Variants in FHAD1 observed in about 807,000 individuals in gnomAD.
The protein encoded by FHAD1 is forkhead-associated domain-containing protein 1.
In FHAD1, 146 loss-of-function variants were observed where a neutral mutation model predicts 191.3. The ratio of observed to expected loss-of-function variants is 0.76; its 90% confidence interval spans 0.67 to 0.88. The LOEUF is 0.88. FHAD1 is among the 40% of genes least tolerant of loss of function. The pLI is 0.00. For missense variants in FHAD1, 1,635 were observed against 1,785.8 expected (o/e 0.92, Z 1.52); for synonymous variants, 616 against 672.3 (o/e 0.92, Z 1.29).
At chr1:15,388,383 T>TAAGA (rs1702869548) in intron 32 of FHAD1, 1 of 1,245,424 alleles carries the variant, frequency 8.0e-7, no homozygotes, top group South Asian at 1.3e-5. Context: ...ACGGATGACC[T>TAAGA]AAGAGACAAG....
chr1:15,320,092 T>C (rs866629976), intron 10 of FHAD1, among the ~76,000 whole-genome samples: 1 of 152,352 alleles, frequency 6.6e-6, no homozygotes, highest in Non-Finnish European at 1.5e-5. Context: ...AATCCCTTTG[T>C]GATTTCTTCT....
At chr1:15,322,693 C>A (rs1676708565) in intron 10 of FHAD1, among the ~76,000 whole-genome samples, 1 of 152,250 alleles carries the variant, frequency 6.6e-6, no homozygotes, top group Non-Finnish European at 1.5e-5. Context: ...TTCATCATTG[C>A]AGAAAGTTCT....
chr1:15,381,425 A>T lies in FHAD1; in HGVS notation c.3996A>T (p.Gly1332=). The change falls in exon 30 of 34, where the codon GGA becomes GGT. Residue 1332 remains glycine (G), a synonymous_variant. Coordinates refer to ENST00000688493, the MANE Select transcript of FHAD1 (RefSeq NM_001391957.1). This position sits in a 1 kb window ranked among gnomAD's most constrained non-coding sequence, Gnocchi z 4.6. ...QLGRKEELLR[G]YEKDVEQLRR... is the part of the protein sequence containing the mutation. ...GGAGGAAAGAGGAGCTGTTGAGAGG[A>T]TATGAAAAGGACGTTGAACAGCTCA... 1 of 1,551,570 alleles carries T rather than the reference A, an allele frequency of 6.4e-7. No homozygotes were observed. Among genetic ancestry groups the T allele is most frequent in the Non-Finnish European group, 8.7e-7 (1 of 1,146,990 alleles).
In FHAD1 at chr1:15,360,563, A is replaced by G. The variant is rs4661330; in HGVS notation, c.2822A>G (p.Glu941Gly). 436,760 of 1,551,790 alleles carry G rather than the reference A, an allele frequency of 0.28. 62,694 individuals carry two copies. Among genetic ancestry groups the G allele is most frequent in the Non-Finnish European group, 0.3 (339,751 of 1,146,906 alleles). The change falls in exon 22 of 34, where the codon GAA (glutamate) becomes GGA (glycine). Residue 941 changes from glutamate to glycine, a missense_variant. By Grantham distance (98) the Glu-to-Gly change is moderately conservative (BLOSUM62 -2). Transcript: ENST00000688493. Reference protein sequence around the residue: ...DEQESQRHGFEEEIMEYKEQI... With the variant: ...DEQESQRHGFGEEIMEYKEQI... ...CAGGAATCACAGAGACACGGGTTTG[A>G]AGAAGAGATCATGGAATATAAGGAG...
At chr1:15,314,089 AATAATAATAAT>A (rs555715109) in intron 8 of FHAD1, among the ~76,000 whole-genome samples, 73 of 76,498 alleles carry the variant, frequency 9.5e-4, no homozygotes, top group African/African-American at 2.3e-3. Flanking sequence ...TAATAATAAT[AATAATAATAAT>A]AACTATTTGC....
In FHAD1 at chr1:15,374,612, C is replaced by T. The variant is rs896722215; in HGVS notation, c.3558C>T (p.Leu1186=). 46 of 1,551,380 alleles carry T rather than the reference C, an allele frequency of 3.0e-5. No homozygotes were observed. Among genetic ancestry groups the T allele is most frequent in the Non-Finnish European group, 3.7e-5 (43 of 1,146,984 alleles). Residue 1186 remains leucine, a synonymous_variant, in exon 27 of 34, where the codon CTC becomes CTT. Transcript: ENST00000688493. ...LSELRARIKE[L]EKARSPDHKD... is the part of the protein sequence containing the mutation. ...AACTTCGAGCGCGAATTAAAGAACTCGAGAAGGCGCGCTCACCAGGTAAGT... is the reference window on the plus strand; with the variant it reads ...AACTTCGAGCGCGAATTAAAGAACTTGAGAAGGCGCGCTCACCAGGTAAGT...
intron 25 of FHAD1, among the ~76,000 whole-genome samples, chr1:15,368,192 T>C (rs1558248930): frequency 6.6e-6 from 1 of 152,066 alleles, no homozygotes; most frequent in Non-Finnish European, 1.5e-5. Context: ...CAGGCTGGTC[T>C]CGAACTCCTG....
chr1:15,342,582 A>G (rs754128043), intron 16 of FHAD1, among the ~76,000 whole-genome samples: 3 of 152,130 alleles, frequency 2.0e-5, no homozygotes, highest in Non-Finnish European at 4.4e-5. Flanking sequence ...CACCCTCCAG[A>G]CCCATTAAAT....
intron 10 of FHAD1, among the ~76,000 whole-genome samples, chr1:15,321,517 T>A (rs925227692): frequency 6.6e-6 from 1 of 152,256 alleles, no homozygotes; most frequent in African/African-American, 2.4e-5. Flanking sequence ...TCCAGACTTA[T>A]ATGCCATTGT....
At chr1:15,256,173 A>G (rs762109814) in intron 2 of FHAD1, among the ~76,000 whole-genome samples, 1 of 152,254 alleles carries the variant, frequency 6.6e-6, no homozygotes, top group Non-Finnish European at 1.5e-5. Context: ...CTGATAAGAA[A>G]GGGACTTAAT....
intron 32 of FHAD1, 52 bp downstream of exon 32, chr1:15,388,183 G>C (rs1311784943): frequency 1.8e-6 from 2 of 1,131,010 alleles, no homozygotes; most frequent in South Asian, 1.3e-5. Flanking sequence ...AGTCTCAACT[G>C]GGGGTAAGAG....
intron 11 of FHAD1, chr1:15,326,305 C>T (rs546431358): frequency 3.3e-5 from 5 of 152,184 alleles, no homozygotes; most frequent in Non-Finnish European, 7.3e-5. Flanking sequence ...CAGAGAAAGT[C>T]GGGCTCCTTT....
intron 2 of FHAD1, among the ~76,000 whole-genome samples, chr1:15,262,760 T>A (rs1651673401): frequency 6.6e-6 from 1 of 152,222 alleles, no homozygotes; most frequent in Admixed American, 6.5e-5. Context: ...ATAATGCTGC[T>A]AGGAACACGA....
intron 18 of FHAD1, among the ~76,000 whole-genome samples, chr1:15,345,843 G>A (rs1688725204): frequency 6.6e-6 from 1 of 152,158 alleles, no homozygotes; most frequent in African/African-American, 2.4e-5. Context: ...GAATGACAGA[G>A]TCATGGGACC....
chr1:15,264,802 A>G (rs914030683), intron 2 of FHAD1, among the ~76,000 whole-genome samples: 1 of 152,132 alleles, frequency 6.6e-6, no homozygotes, highest in African/African-American at 2.4e-5. Flanking sequence ...TATGTTAGCT[A>G]TGAGCTTTTC....
chr1:15,343,107 T>G (rs948872487), intron 16 of FHAD1, among the ~76,000 whole-genome samples: 15 of 152,180 alleles, frequency 9.9e-5, no homozygotes, highest in African/African-American at 3.6e-4. Context: ...GGTTGGCCCT[T>G]TTTGATATTC....
At chr1:15,272,585 G>T in intron 3 of FHAD1, 56 bp downstream of exon 3, 3 of 1,474,436 alleles carry the variant, frequency 2.0e-6, no homozygotes, top group Admixed American at 4.0e-5. Context: ...GCAGCCCGGC[G>T]CTCGGATGCA....
At chr1:15,396,255 G>A (rs12030108) in intron 33 of FHAD1, among the ~76,000 whole-genome samples, 54,027 of 151,844 alleles carry the variant, frequency 0.36, 11,101 homozygotes, top group East Asian at 0.48. Flanking sequence ...TGAGGAGGTC[G>A]AGGCTGCAGT....
At chr1:15,303,898 C>T (rs1669612704) in intron 6 of FHAD1, among the ~76,000 whole-genome samples, 1 of 151,536 alleles carries the variant, frequency 6.6e-6, no homozygotes. Flanking sequence ...CTTATTAATA[C>T]TCCTCCCCCC....
Sources: allele counts gnomAD v4.1 joint callset (sites outside exome capture counted in the v4.1 genomes callset), GRCh38; gene constraint gnomAD v4.1.1; non-coding constraint Gnocchi (gnomAD v3.1); transcripts MANE v1.5; gene names NCBI Gene and HGNC (gene_info 2026-07-23, HGNC 2026-07-21).